Variants in COLEC10 observed in about 807,000 individuals in gnomAD.
COLEC10 encodes the protein collectin-10.
A neutral mutation model predicts 28.4 loss-of-function variants in COLEC10; 22 were observed. The observed-to-expected ratio is 0.78, with a 90% confidence interval of 0.55 to 1.11. COLEC10 has a LOEUF of 1.11. Among genes scored for constraint, COLEC10 ranks in the 50% least tolerant of loss-of-function variants. COLEC10 has a pLI of 0.00. For missense variants in COLEC10, 361 were observed against 344.1 expected (o/e 1.05, Z -0.39); for synonymous variants, 125 against 116.1 (o/e 1.08, Z -0.49).
chr8:118,969,923 A>T, the COLEC10 span, among the ~76,000 whole-genome samples: 60 of 152,062 alleles, frequency 3.9e-4, no homozygotes, highest in African/African-American at 1.4e-3. Flanking sequence ...TAACCAACTG[A>T]TGTTGTCATC....
chr8:119,038,521 A>T (rs1814432702), intron 2 of COLEC10, among the ~76,000 whole-genome samples: 2 of 152,192 alleles, frequency 1.3e-5, no homozygotes, highest in Non-Finnish European at 1.5e-5. Context: ...TTAGTACTAC[A>T]TGGTGTTTCT....
chr8:118,971,080 G>A, the COLEC10 span, among the ~76,000 whole-genome samples: 1 of 151,964 alleles, frequency 6.6e-6, no homozygotes, highest in Non-Finnish European at 1.5e-5. Flanking sequence ...CTTCGCCAAG[G>A]AAGGGGGAGT....
At chr8:119,042,893 G>A (rs568675641) in intron 2 of COLEC10, among the ~76,000 whole-genome samples, 8 of 152,198 alleles carry the variant, frequency 5.3e-5, no homozygotes, top group Non-Finnish European at 1.2e-4. Context: ...TGCAGCTTGG[G>A]TAAGAATGTG....
intron 1 of COLEC10, among the ~76,000 whole-genome samples, chr8:119,079,831 T>C (rs1421157530): frequency 6.6e-6 from 1 of 152,006 alleles, no homozygotes; most frequent in South Asian, 2.1e-4. Flanking sequence ...TCCCTGGAAT[T>C]GATAGGGCAC....
chr8:119,049,824 A>G (rs1044295658), intron 2 of COLEC10, among the ~76,000 whole-genome samples: 2 of 152,240 alleles, frequency 1.3e-5, no homozygotes, highest in Non-Finnish European at 2.9e-5. Flanking sequence ...AAATCATACT[A>G]TAACTTCTAT....
the COLEC10 span, among the ~76,000 whole-genome samples, chr8:118,963,218 A>T: frequency 5.9e-5 from 9 of 152,246 alleles, no homozygotes; most frequent in African/African-American, 2.2e-4. Flanking sequence ...TAGAATATCC[A>T]TTAAGTTTAG....
chr8:118,975,768 C>T, the COLEC10 span, among the ~76,000 whole-genome samples: 2 of 151,964 alleles, frequency 1.3e-5, no homozygotes, highest in Admixed American at 6.6e-5. Flanking sequence ...GAAAAGTGAA[C>T]GTTCCAACCC....
intron 1 of COLEC10, among the ~76,000 whole-genome samples, chr8:119,007,181 A>G (rs1018947390): frequency 2.4e-4 from 36 of 152,098 alleles, no homozygotes; most frequent in South Asian, 2.1e-4. Context: ...GTGTTAAGTC[A>G]CTGAGATATC....
chr8:119,003,985 G>T (rs1813744374), intron 1 of COLEC10, among the ~76,000 whole-genome samples: 1 of 151,972 alleles, frequency 6.6e-6, no homozygotes, highest in Non-Finnish European at 1.5e-5. Flanking sequence ...CTTTTAAAGA[G>T]AAATTGGGAA....
chr8:119,063,730 A>C (rs1190361130), upstream of COLEC10, among the ~76,000 whole-genome samples: 1 of 135,604 alleles, frequency 7.4e-6, no homozygotes, highest in Non-Finnish European at 1.6e-5. Flanking sequence ...AATTCAATTC[A>C]CAAAAAAAAA....
intron 2 of COLEC10, among the ~76,000 whole-genome samples, chr8:119,061,698 C>T (rs972744861): frequency 6.6e-6 from 1 of 151,922 alleles, no homozygotes; most frequent in Non-Finnish European, 1.5e-5. Flanking sequence ...GAAGTCCACT[C>T]TCTTTCAGGA....
At chr8:119,021,112 A>G (rs1587002232) in intron 2 of COLEC10, among the ~76,000 whole-genome samples, 1 of 152,208 alleles carries the variant, frequency 6.6e-6, no homozygotes, top group Non-Finnish European at 1.5e-5. Context: ...TGTTAATTGA[A>G]AAACCAATAA....
At chr8:119,101,991 T>A (rs1386070678) in intron 3 of COLEC10, among the ~76,000 whole-genome samples, 1 of 151,514 alleles carries the variant, frequency 6.6e-6, no homozygotes. Context: ...TTAAAAAAAA[T>A]GTTAATAGGA....
the COLEC10 span, among the ~76,000 whole-genome samples, chr8:118,986,093 C>A: frequency 2.6e-5 from 4 of 152,062 alleles, no homozygotes; most frequent in Non-Finnish European, 5.9e-5. Context: ...TTGGGGAAAT[C>A]TAATTTAATG....
chr8:119,000,112 G>A (rs1441733133), intron 1 of COLEC10, among the ~76,000 whole-genome samples: 1 of 152,184 alleles, frequency 6.6e-6, no homozygotes, highest in Non-Finnish European at 1.5e-5. Flanking sequence ...TCTTACATGA[G>A]AGCAGGACAC....
At chr8:119,086,713 A>G (rs1194796670) in intron 1 of COLEC10, among the ~76,000 whole-genome samples, 1 of 152,252 alleles carries the variant, frequency 6.6e-6, no homozygotes, top group Non-Finnish European at 1.5e-5. Context: ...GGAAGAAGGA[A>G]GGAGAAAGAA....
At chr8:119,105,600 G>C (rs571346692) in intron 5 of COLEC10, among the ~76,000 whole-genome samples, 200 bp from the exon 6 acceptor site, 1 of 152,156 alleles carries the variant, frequency 6.6e-6, no homozygotes, top group South Asian at 2.1e-4. Flanking sequence ...AAAAGGAAGG[G>C]AGAACAAACG....
chr8:119,006,688 T>G (rs1344282642), intron 1 of COLEC10, among the ~76,000 whole-genome samples: 1 of 152,058 alleles, frequency 6.6e-6, no homozygotes, highest in African/African-American at 2.4e-5. Context: ...CATCCAGATA[T>G]TCCCTGGATA....
At chr8:119,104,065 A>G (rs1261522935) in intron 5 of COLEC10, among the ~76,000 whole-genome samples, 170 bp downstream of exon 5, 1 of 152,074 alleles carries the variant, frequency 6.6e-6, no homozygotes, top group Non-Finnish European at 1.5e-5. Flanking sequence ...CTCCCCTAGG[A>G]CACCTCAAGT....
Sources: allele counts gnomAD v4.1 joint callset (sites outside exome capture counted in the v4.1 genomes callset), GRCh38; gene constraint gnomAD v4.1.1; transcripts MANE v1.5; gene names NCBI Gene and HGNC (gene_info 2026-07-23, HGNC 2026-07-21).